Variants in ZYG11A observed in about 807,000 individuals in gnomAD.
ZYG11A encodes the protein zyg-11 family member A, cell cycle regulator, also known as protein zyg-11 homolog A.
ZYG11A carries 62 observed loss-of-function variants against 77.2 expected under a neutral mutation model. The ratio of observed to expected loss-of-function variants is 0.80; its 90% confidence interval spans 0.65 to 0.99. The LOEUF is 0.99. Ranked by LOEUF, ZYG11A falls within the 50% of genes least tolerant of loss-of-function variation. ZYG11A has a pLI of 0.00. For missense variants in ZYG11A, 828 were observed against 896.8 expected (o/e 0.92, Z 0.98); for synonymous variants, 315 against 324.6 (o/e 0.97, Z 0.32).
At chr1:52,880,617 CTT>C (rs1646347319) in intron 10 of ZYG11A, among the ~76,000 whole-genome samples, 1 of 152,162 alleles carries the variant, frequency 6.6e-6, no homozygotes. Context: ...TGTAGGGACT[CTT>C]TCTCTCTGGC....
At chr1:52,863,120 A>T (rs1645961093) in intron 4 of ZYG11A, among the ~76,000 whole-genome samples, 1 of 152,140 alleles carries the variant, frequency 6.6e-6, no homozygotes, top group Non-Finnish European at 1.5e-5. Flanking sequence ...AAACTGAAAA[A>T]TCAATTTAGC....
At chr1:52,844,370 G>T (rs906948152) in intron 1 of ZYG11A, among the ~76,000 whole-genome samples, 1 of 152,136 alleles carries the variant, frequency 6.6e-6, no homozygotes, top group African/African-American at 2.4e-5. Context: ...GGAAAACTTG[G>T]ATTTTTTACG....
rs1025159348 is a variant in ZYG11A, at chr1:52,879,047, T to A, written c.1749+1078T>A. Among the ~76,000 whole-genome samples the A allele has an allele frequency of 2.6e-5, 4 of 152,058 alleles. No homozygotes were observed. In the East Asian group the frequency reaches 5.8e-4, roughly 22 times the overall value. On this transcript the variant is annotated intron_variant, in intron 10 of 13. Transcript: ENST00000371528. ...ATATTAATCACTTTACTATACTACT[T>A]CTTTATCCAGGAAGTCTATTTTTTA...
intron 10 of ZYG11A, among the ~76,000 whole-genome samples, chr1:52,879,911 C>A (rs373795976): frequency 6.6e-6 from 1 of 151,752 alleles, no homozygotes; most frequent in East Asian, 1.9e-4. Flanking sequence ...TGCAAGCATG[C>A]GCCACCACGC....
At chr1:52,870,684 C>CGAAAA (rs1646142329) in intron 8 of ZYG11A, among the ~76,000 whole-genome samples, 1 of 152,236 alleles carries the variant, frequency 6.6e-6, no homozygotes, top group Non-Finnish European at 1.5e-5. Context: ...CACAGTGAAA[C>CGAAAA]CCCGTCTCCA....
chr1:52,862,111 A>G lies in ZYG11A; in HGVS notation c.1149+1240A>G, dbSNP rs1051919106. 3.3e-5 allele frequency among the ~76,000 whole-genome samples: 5 copies of G among 151,436 alleles called. No individual in the cohort carries two copies. In the East Asian group the frequency reaches 1.0e-3, roughly 31 times the overall value. ...GTAATCCCAGCTACTCAGGAGGCTGAGGCAGGAGAATCACTTGAACCTGGG... is the reference window on the plus strand; with the variant it reads ...GTAATCCCAGCTACTCAGGAGGCTGGGGCAGGAGAATCACTTGAACCTGGG... On this transcript the variant is annotated intron_variant, in intron 4 of 13. Coordinates refer to ENST00000371528, the MANE Select transcript of ZYG11A (RefSeq NM_001004339.3).
In ZYG11A at chr1:52,885,342, GT is replaced by G. The variant is rs34626674; in HGVS notation, c.1945-480del. 1.7e-3 allele frequency among the ~76,000 whole-genome samples: 239 copies of G among 138,606 alleles called. 2 individuals are homozygous for G. Among genetic ancestry groups the G allele is most frequent in the African/African-American group, 5.6e-3 (210 of 37,620 alleles). 90.9% of individuals were successfully genotyped at this position (138,606 alleles called of 152,430 possible). On this transcript the variant is annotated intron_variant, in intron 11 of 13. Transcript: ENST00000371528. ...TTTGTGTTTTGTTTTTTGGGTTTTT[GT>G]TTTTTTTTTTGAGATGCCCGGCTAA...
chr1:52,860,943 C>A (rs1645916337), intron 4 of ZYG11A, 72 bp downstream of exon 4: 2 of 1,374,630 alleles, frequency 1.5e-6, no homozygotes, highest in Non-Finnish European at 2.0e-6. Context: ...ACGAACCACA[C>A]TGAATATAAT....
intron 8 of ZYG11A, among the ~76,000 whole-genome samples, chr1:52,873,077 T>G (rs1208472759): frequency 6.6e-6 from 1 of 151,860 alleles, no homozygotes; most frequent in African/African-American, 2.4e-5. Context: ...CCTAGCACTT[T>G]GGGAGGCCAA....
intron 1 of ZYG11A, among the ~76,000 whole-genome samples, chr1:52,847,152 C>T (rs940805494): frequency 6.6e-6 from 1 of 152,110 alleles, no homozygotes; most frequent in African/African-American, 2.4e-5. Flanking sequence ...CTGCAGCCTC[C>T]GCCTCCCAGG....
chr1:52,892,712 GA>G, intron 13 of ZYG11A, 69 bp from the exon 14 acceptor site: 1 of 1,309,528 alleles, frequency 7.6e-7, no homozygotes, highest in South Asian at 1.3e-5. Flanking sequence ...TCAGCAAGGT[GA>G]ATGTGGTGAC....
intron 1 of ZYG11A, among the ~76,000 whole-genome samples, chr1:52,850,070 C>G (rs902916853): frequency 3.3e-5 from 5 of 152,130 alleles, no homozygotes; most frequent in Non-Finnish European, 5.9e-5. Flanking sequence ...TTTTCCCAAC[C>G]TTTTTCTGTT....
intron 8 of ZYG11A, among the ~76,000 whole-genome samples, chr1:52,874,322 G>T (rs979548549): frequency 6.6e-6 from 1 of 152,050 alleles, no homozygotes; most frequent in Non-Finnish European, 1.5e-5. Context: ...CATCTCAACT[G>T]CAGCCTCGAC....
intron 13 of ZYG11A, among the ~76,000 whole-genome samples, chr1:52,892,208 G>T (rs61771098): frequency 1 from 146,217 of 146,222 alleles, 73,106 homozygotes; most frequent in Middle Eastern, 1. Flanking sequence ...CACATCTGGG[G>T]GTTTTCAACA....
intron 8 of ZYG11A, among the ~76,000 whole-genome samples, chr1:52,870,613 C>T (rs1298118609): frequency 1.3e-5 from 2 of 152,272 alleles, no homozygotes; most frequent in African/African-American, 4.8e-5. Flanking sequence ...CATCCCGGCA[C>T]CTTGGGAGGC....
At chr1:52,846,315 TATATATATATATATATATATATA>T (rs1645579672) in intron 1 of ZYG11A, among the ~76,000 whole-genome samples, 1 of 2,262 alleles carries the variant, frequency 4.4e-4, no homozygotes, top group Non-Finnish European at 1.2e-3. Context: ...AATTTTTATA[TATATATATATATATATATATATA>T]TATATATATA....
chr1:52,866,236 C>T (rs1646025202), intron 5 of ZYG11A, among the ~76,000 whole-genome samples: 1 of 152,118 alleles, frequency 6.6e-6, no homozygotes. Flanking sequence ...CGCACCCGGC[C>T]AAGGGAGTTG....
intron 7 of ZYG11A, 40 bp from the exon 8 acceptor site, chr1:52,867,687 A>G: frequency 1.3e-6 from 2 of 1,550,764 alleles, no homozygotes; most frequent in Non-Finnish European, 1.7e-6. Context: ...GTTTTTATAC[A>G]GGTTCCATAG....
In ZYG11A at chr1:52,881,565, A is replaced by T. The variant is rs1362313754; in HGVS notation, c.1844A>T (p.Glu615Val). The T allele has an allele frequency of 6.4e-7, 1 of 1,552,188 alleles. No homozygotes were observed. The highest frequency in any genetic ancestry group is 2.0e-5 in the Admixed American group (1 of 51,006). The change falls in exon 11 of 14, where the codon GAA becomes GTA. Residue 615 changes from glutamate (E) to valine (V), a missense_variant. Physicochemically the swap from Glu to Val is moderately radical, Grantham distance 121. Transcript: ENST00000371528. ...AGTTTACTCTGTAGCAGGGAAATGGAAGTCAGCTATTTTGCTGCAGGTATC... is the reference window on the plus strand; with the variant it reads ...AGTTTACTCTGTAGCAGGGAAATGGTAGTCAGCTATTTTGCTGCAGGTATC... The part of the protein sequence containing the change: ...INSLLCSREM[E>V]VSYFAAGIIA...
Sources: gnomAD v4.1 joint callset for allele counts (sites outside exome capture counted in the v4.1 genomes callset) on GRCh38, gnomAD v4.1.1 for gene constraint, MANE v1.5 for transcripts, NCBI Gene and HGNC (gene_info 2026-07-23, HGNC 2026-07-21) for gene names.